SLC30A9: variants seen among roughly 807,000 people sequenced by gnomAD.
SLC30A9 encodes solute carrier family 30 member 9.
A neutral mutation model predicts 87.5 loss-of-function variants in SLC30A9; 58 were observed. The ratio of observed to expected loss-of-function variants is 0.66; its 90% CI spans 0.54 to 0.82. The LOEUF (loss-of-function observed/expected upper bound fraction) is 0.82, where lower values mean the gene tolerates loss of function less well. Ranked by LOEUF, SLC30A9 falls within the 40% of genes least tolerant of loss-of-function variation. SLC30A9 has a pLI of 0.00. For missense variants in SLC30A9, 557 were observed against 679.1 expected (o/e 0.82, Z 2.00); for synonymous variants, 234 against 233.0 (o/e 1.00, Z -0.04).
At chr4:42,028,245 G>A (rs76468746) in intron 6 of SLC30A9, among the ~76,000 whole-genome samples, 1 of 152,122 alleles carries the variant, frequency 6.6e-6, no homozygotes, top group East Asian at 1.9e-4. Context: ...AGCCTCCCGA[G>A]TAGTTGGGAT....
chr4:42,043,714 G>A (rs1192883708), intron 8 of SLC30A9, among the ~76,000 whole-genome samples: 1 of 152,130 alleles, frequency 6.6e-6, no homozygotes, highest in Non-Finnish European at 1.5e-5. Context: ...AGGAAATACA[G>A]AGAACACCAC....
Position 42,086,068 on chromosome 4 carries a change from A to G in SLC30A9, c.1663-14A>G. On this transcript the variant is annotated splice_polypyrimidine_tract_variant and intron_variant, in intron 17 of 17. Coordinates refer to ENST00000264451, the MANE Select transcript of SLC30A9 (RefSeq NM_006345.4). ...TTTTGCTACAAATAATGTGGTGGTG[A>G]TTTTTCTTTCCAGAAACGAAATCCT... The G allele has an allele frequency of 7.5e-7, 1 of 1,339,642 alleles. No individual in the cohort carries two copies. The highest frequency in any genetic ancestry group is 1.0e-6 in the Non-Finnish European group (1 of 993,558). 83.0% of individuals were successfully genotyped at this position (1,339,642 alleles called of 1,614,324 possible).
Position 42,083,600 on chromosome 4 carries a change from G to C in SLC30A9, c.1663-2482G>C, listed in dbSNP as rs556893611. ...TTTTAAAAAGCAGAGCAAATTTTTAGGCTTTTTTTTAAGATAAAGCTTTTA... is the reference window on the plus strand; with the variant it reads ...TTTTAAAAAGCAGAGCAAATTTTTACGCTTTTTTTTAAGATAAAGCTTTTA... On this transcript the variant is annotated intron_variant, in intron 17 of 17. Coordinates refer to ENST00000264451, the MANE Select transcript of SLC30A9 (RefSeq NM_006345.4). 1.6e-4 allele frequency among the ~76,000 whole-genome samples: 25 copies of C among 151,918 alleles called. 1 individual carries two copies. Among genetic ancestry groups the C allele is most frequent in the African/African-American group, 5.3e-4 (22 of 41,474 alleles).
intron 9 of SLC30A9, among the ~76,000 whole-genome samples, chr4:42,055,677 G>T (rs1209202832): frequency 6.6e-6 from 1 of 152,198 alleles, no homozygotes; most frequent in Non-Finnish European, 1.5e-5. Flanking sequence ...CAACTGAGAT[G>T]AATTTATTGA....
chr4:42,035,207 A>C, intron 6 of SLC30A9, 68 bp from the exon 7 acceptor site: 1 of 1,457,078 alleles, frequency 6.9e-7, no homozygotes, highest in Non-Finnish European at 9.5e-7. Flanking sequence ...TGAAGAGAAT[A>C]TCATGTTCAT....
In SLC30A9 at chr4:42,086,537, A is replaced by G. The variant is rs555208490; in HGVS notation, c.*411A>G. On this transcript the variant is annotated 3_prime_UTR_variant, in exon 18 of 18. Transcript: ENST00000264451. ...CCTCTGAAGATTTCACTCCATCAAGATCTGCCAATCTTCAATATTCTGGCT... is the reference window on the plus strand; with the variant it reads ...CCTCTGAAGATTTCACTCCATCAAGGTCTGCCAATCTTCAATATTCTGGCT... The G allele has an allele frequency of 6.4e-6, 1 of 155,224 alleles. No individual in the cohort carries two copies. Among genetic ancestry groups the G allele is most frequent in the Non-Finnish European group, 1.4e-5 (1 of 69,734 alleles). 9.6% of individuals were successfully genotyped at this position (155,224 alleles called of 1,614,324 possible).
chr4:41,998,462 C>CTTTTTTTT (rs34295020), intron 1 of SLC30A9, among the ~76,000 whole-genome samples: 12 of 144,906 alleles, frequency 8.3e-5, no homozygotes, highest in Non-Finnish European at 1.1e-4. Context: ...TTCAGTAATT[C>CTTTTTTTT]TTTTTTTTTG....
At chr4:42,073,055 C>T (rs1303404821) in intron 15 of SLC30A9, among the ~76,000 whole-genome samples, 5 of 149,952 alleles carry the variant, frequency 3.3e-5, no homozygotes, top group African/African-American at 7.6e-5. Context: ...TCCTGAGAGA[C>T]GAGGTTTCAT....
chr4:42,020,532 A>G lies in SLC30A9; in HGVS notation c.434+17A>G, dbSNP rs1341561587. ...CAAATCCAGGTAATTTTTTTAAAAAATGTAGCCGTGTGTCATATCTAAATA... is the reference window on the plus strand; with the variant it reads ...CAAATCCAGGTAATTTTTTTAAAAAGTGTAGCCGTGTGTCATATCTAAATA... On this transcript the variant is annotated intron_variant, in intron 4 of 17. Coordinates refer to ENST00000264451, the MANE Select transcript of SLC30A9 (RefSeq NM_006345.4). 1 of 1,368,726 alleles carries G rather than the reference A, an allele frequency of 7.3e-7. No individual in the cohort carries two copies. The highest frequency in any genetic ancestry group is 1.4e-5 in the African/African-American group (1 of 71,218). 84.8% of individuals were successfully genotyped at this position (1,368,726 alleles called of 1,614,324 possible).
chr4:42,044,731 G>A (rs545161185), intron 8 of SLC30A9, among the ~76,000 whole-genome samples: 1 of 152,308 alleles, frequency 6.6e-6, no homozygotes, highest in Non-Finnish European at 1.5e-5. Context: ...GACATCTACA[G>A]AACTCTCAAC....
chr4:42,030,882 T>C (rs1716406500), intron 6 of SLC30A9, among the ~76,000 whole-genome samples: 2 of 152,226 alleles, frequency 1.3e-5, no homozygotes, highest in African/African-American at 2.4e-5. Flanking sequence ...CCCATCACTT[T>C]GGCTAGTGAC....
intron 6 of SLC30A9, among the ~76,000 whole-genome samples, chr4:42,024,427 T>C (rs1309236761): frequency 6.6e-6 from 1 of 152,248 alleles, no homozygotes; most frequent in African/African-American, 2.4e-5. Flanking sequence ...ATCTACCTCA[T>C]TCTTTTTAAC....
intron 1 of SLC30A9, among the ~76,000 whole-genome samples, chr4:41,992,822 G>A (rs1435923953): frequency 6.6e-6 from 1 of 152,096 alleles, no homozygotes; most frequent in Non-Finnish European, 1.5e-5. Flanking sequence ...TAGAAAAAGA[G>A]TACTATTTAA....
intron 8 of SLC30A9, among the ~76,000 whole-genome samples, chr4:42,044,918 C>T (rs1358281698): frequency 9.2e-5 from 14 of 152,114 alleles, no homozygotes; most frequent in South Asian, 8.3e-4. Flanking sequence ...CACTCAAAAC[C>T]GCGCAACTAC....
chr4:41,998,714 T>C (rs938366379), intron 1 of SLC30A9, among the ~76,000 whole-genome samples: 2 of 152,168 alleles, frequency 1.3e-5, no homozygotes, highest in African/African-American at 4.8e-5. Flanking sequence ...CCTGCCCAGC[T>C]TGGCCTCCTA....
At chr4:42,036,388 T>G (rs1716677316) in intron 7 of SLC30A9, among the ~76,000 whole-genome samples, 1 of 152,170 alleles carries the variant, frequency 6.6e-6, no homozygotes, top group African/African-American at 2.4e-5. Context: ...ATGTAGAAAG[T>G]TTGCCTCTAC....
Position 42,066,607 on chromosome 4 carries a change from C to A in SLC30A9, c.1130C>A (p.Ser377Ter). ...AGGAATGCTCGGGCTAAAGGAATGT[C>A]ATTTTACAAGTATGGTATGTATTTT... ...LRRNARAKGM[S>*]FYKYVMESRD... The change falls in exon 13 of 18, where the codon TCA (serine) becomes TAA (stop). Residue 377 changes from serine (S) to a stop codon, truncating the protein, a stop_gained. Coordinates refer to ENST00000264451, the MANE Select transcript of SLC30A9 (RefSeq NM_006345.4). LOFTEE classifies it high-confidence loss of function. 6.2e-7 allele frequency: 1 copy of A among 1,605,966 alleles called. No individual in the cohort carries two copies. The highest frequency in any genetic ancestry group is 1.1e-5 in the South Asian group (1 of 90,148).
intron 1 of SLC30A9, among the ~76,000 whole-genome samples, chr4:41,991,561 A>G (rs1262974526): frequency 6.6e-6 from 1 of 152,238 alleles, no homozygotes; most frequent in Non-Finnish European, 1.5e-5. Flanking sequence ...GGGAGAAGAC[A>G]GAACTAAGTC....
At position 42,045,584 on chromosome 4, in the gene SLC30A9, TAAA is replaced by T. The variant is rs34964085; in HGVS notation, c.738-3779_738-3777del. Among the ~76,000 whole-genome samples the T allele has an allele frequency of 3.3e-3, 451 of 134,716 alleles. 1 individual carries two copies. Among genetic ancestry groups the T allele is most frequent in the Non-Finnish European group, 3.6e-3 (229 of 64,468 alleles). The allele number at this position is 134,716 out of a possible 152,430, so 88.4% of individuals were successfully genotyped here. A position where few individuals can be genotyped will look rare whatever the true frequency, so the allele number is the denominator to read the frequency against. On this transcript the variant is annotated intron_variant, in intron 8 of 17. Coordinates refer to ENST00000264451, the MANE Select transcript of SLC30A9 (RefSeq NM_006345.4). ...AGGCAGTAATTAATAGCCTATCAAC[TAAA>T]AAAAAAAAAAAAAGCCCAGGACTAG...
Sources: gnomAD v4.1 joint callset for allele counts (sites outside exome capture counted in the v4.1 genomes callset) on GRCh38, gnomAD v4.1.1 for gene constraint, MANE v1.5 for transcripts, NCBI Gene and HGNC (gene_info 2026-07-23, HGNC 2026-07-21) for gene names.